ACOX1: variants seen among roughly 807,000 people sequenced by gnomAD.
ACOX1 encodes the protein acyl-CoA oxidase 1, also known as peroxisomal acyl-coenzyme A oxidase 1.
In ACOX1, 41 loss-of-function variants were observed where a neutral mutation model predicts 75.5. The ratio of observed to expected loss-of-function variants is 0.54; its 90% CI spans 0.42 to 0.70. The LOEUF is 0.70. Ranked by LOEUF, ACOX1 falls within the 30% of genes least tolerant of loss-of-function variation. The pLI is 0.00. For synonymous variants in ACOX1, 303 were observed against 298.8 expected, an observed-to-expected ratio of 1.01 and a Z score of -0.15; for missense variants, 630 against 837.5, an observed-to-expected ratio of 0.75 and a Z score of 3.06.
intron 6 of ACOX1, among the ~76,000 whole-genome samples, chr17:75,954,251 T>C (rs1302263265): frequency 4.1e-5 from 6 of 146,300 alleles, no homozygotes; most frequent in Non-Finnish European, 7.5e-5. Context: ...CTGGGTGCGG[T>C]GGCTCATGCC....
Position 75,951,000 on chromosome 17 carries a change from T to G in ACOX1, c.1108-36A>C. On this transcript the variant is annotated intron_variant, in intron 8 of 13. Transcript: ENST00000293217. This position sits in a 1 kb window ranked among gnomAD's most constrained non-coding sequence, Gnocchi z 4.3. ...AAGCACAGATCTGTCAGGACATCTG[T>G]GGTGCTGAGAGCCCGAGAACCAATG... 1 of 1,606,562 alleles carries G rather than the reference T, an allele frequency of 6.2e-7. No individual in the cohort carries two copies. The highest frequency in any genetic ancestry group is 8.5e-7 in the Non-Finnish European group (1 of 1,175,330).
chr17:75,949,958 G>T, intron 9 of ACOX1, 61 bp from the exon 10 acceptor site: 2 of 1,585,402 alleles, frequency 1.3e-6, no homozygotes, highest in Non-Finnish European at 1.7e-6. Flanking sequence ...CTTTTGAGAT[G>T]GAGTTTCATT....
chr17:75,971,257 C>T (rs1284400935), intron 2 of ACOX1, among the ~76,000 whole-genome samples: 2 of 150,638 alleles, frequency 1.3e-5, no homozygotes, highest in Non-Finnish European at 2.9e-5. Flanking sequence ...CGCCATTGCA[C>T]TCCAGCCTGG....
intron 2 of ACOX1, among the ~76,000 whole-genome samples, chr17:75,962,541 T>C (rs1207238651): frequency 6.6e-6 from 1 of 152,190 alleles, no homozygotes; most frequent in African/African-American, 2.4e-5. Flanking sequence ...AGTTTTTAAA[T>C]TGCTGTTTGT....
rs1229598936 is a variant in ACOX1 at position 75,941,565 on chromosome 17, A to C, written c.*5183T>G. The C allele has an allele frequency of 1.3e-5, 2 of 152,206 alleles. No homozygotes were observed. The highest frequency in any genetic ancestry group is 2.9e-5 in the Non-Finnish European group (2 of 68,044). 9.4% of individuals were successfully genotyped at this position (152,206 alleles called of 1,614,324 possible). A position where few individuals can be genotyped will look rare whatever the true frequency, so the allele number is the denominator to read the frequency against. On this transcript the variant is annotated 3_prime_UTR_variant, in exon 14 of 14. Transcript: ENST00000293217. Reference sequence around the variant, plus strand: ...TAAGGTTTATTCAATGTCACAGAGGAAAGAACGGTTTGTAGTTTTGCTTAC... The same window carrying C: ...TAAGGTTTATTCAATGTCACAGAGGCAAGAACGGTTTGTAGTTTTGCTTAC...
chr17:75,950,652 A>C lies in ACOX1; in HGVS notation c.1298+122T>G. On this transcript the variant is annotated intron_variant, in intron 9 of 13. Coordinates refer to ENST00000293217, the MANE Select transcript of ACOX1 (RefSeq NM_004035.7). The surrounding 1 kb of genome is among the most constrained non-coding windows in gnomAD (Gnocchi z 4.3). ...ACCGTGAGTCAGGATGGAAGGCAAAAGTATACCTTTCAGGAACAAATATAT... is the reference window on the plus strand; with the variant it reads ...ACCGTGAGTCAGGATGGAAGGCAAACGTATACCTTTCAGGAACAAATATAT... 1.8e-6 allele frequency: 2 copies of C among 1,141,392 alleles called. No individual in the cohort carries two copies. Among genetic ancestry groups the C allele is most frequent in the Admixed American group, 2.0e-5 (1 of 49,860 alleles). The allele number at this position is 1,141,392 out of a possible 1,614,324, so 70.7% of individuals were successfully genotyped here.
intron 2 of ACOX1, among the ~76,000 whole-genome samples, chr17:75,971,240 G>A (rs535986982): frequency 1.2e-3 from 176 of 150,308 alleles, no homozygotes; most frequent in African/African-American, 3.8e-3. Context: ...GCGGGGAGCC[G>A]AGATCGCGCC....
At position 75,949,705 on chromosome 17, in the gene ACOX1, A is replaced by G. The variant is rs199908120; in HGVS notation, c.1478+13T>C. 1.3e-4 allele frequency: 213 copies of G among 1,613,980 alleles called. No homozygotes were observed. In the African/African-American group the frequency reaches 2.4e-3, roughly 18 times the overall value. The stretch of plus-strand genomic sequence containing the variant: ...CCACTGCTGCGTATTCTAGCTCTTG[A>G]GGGAGAGCTCACCTGGCTGCACGGA... On this transcript the variant is annotated intron_variant, in intron 10 of 13. Transcript: ENST00000293217.
intron 3 of ACOX1, among the ~76,000 whole-genome samples, chr17:75,958,748 C>T (rs2065861675): frequency 1.4e-5 from 2 of 147,930 alleles, no homozygotes; most frequent in South Asian, 4.2e-4. Context: ...GTGGAGCTTG[C>T]AGTGAGCTGA....
At chr17:75,957,633 T>C in intron 3 of ACOX1, 67 bp from the exon 4 acceptor site, 1 of 1,199,320 alleles carries the variant, frequency 8.3e-7, no homozygotes, top group Non-Finnish European at 1.2e-6. Context: ...AGGAAAAATT[T>C]CCTGCACAGT....
intron 2 of ACOX1, among the ~76,000 whole-genome samples, chr17:75,975,086 G>T (rs1270398650): frequency 9.9e-5 from 14 of 141,840 alleles, no homozygotes; most frequent in East Asian, 2.1e-4. Flanking sequence ...AAGAAAGAAA[G>T]AAATAATAGT....
rs1186992083 is a variant in ACOX1, at chr17:75,957,637, GCA to G, written c.431-73_431-72del. 1.0e-5 allele frequency: 12 copies of G among 1,197,192 alleles called. No homozygotes were observed. In the East Asian group the frequency reaches 2.8e-4, roughly 28 times the overall value. The allele number at this position is 1,197,192 out of a possible 1,614,324, so 74.2% of individuals were successfully genotyped here. A position where few individuals can be genotyped will look rare whatever the true frequency, so the allele number is the denominator to read the frequency against. On this transcript the variant is annotated intron_variant, in intron 3 of 13. Transcript: ENST00000293217. ...AAATAGGCACAAGGAAAAATTTCCT[GCA>G]CAGTCCTTTAAACTCTCATATCTCA...
chr17:75,967,941 G>A (rs1447756749), intron 2 of ACOX1, among the ~76,000 whole-genome samples: 1 of 149,850 alleles, frequency 6.7e-6, no homozygotes, highest in African/African-American at 2.4e-5. Context: ...GTTTCACCAT[G>A]TTGGCCAGAC....
intron 2 of ACOX1, among the ~76,000 whole-genome samples, chr17:75,975,603 C>T (rs756594593): frequency 5.3e-5 from 8 of 152,214 alleles, no homozygotes; most frequent in African/African-American, 2.4e-5. Flanking sequence ...GGAACGACTT[C>T]TGCGTCCTAA....
Position 75,977,216 on chromosome 17 carries a change from G to A in ACOX1, c.269+1318C>T, listed in dbSNP as rs529807871. Among the ~76,000 whole-genome samples, 4 of 151,392 alleles carry A rather than the reference G, an allele frequency of 2.6e-5. No homozygotes were observed. In the East Asian group the frequency reaches 5.9e-4, roughly 22 times the overall value. On this transcript the variant is annotated intron_variant, in intron 2 of 13. Transcript: ENST00000293217. The stretch of plus-strand genomic sequence containing the variant: ...TCACCATTTTGGCCAGGCTGGTCTC[G>A]AGCTCCTGGCCTCAAGTGATCCACC...
chr17:75,949,671 G>A, intron 10 of ACOX1, 47 bp downstream of exon 10: 1 of 1,613,460 alleles, frequency 6.2e-7, no homozygotes, highest in Non-Finnish European at 8.5e-7. Flanking sequence ...ATCTGTCAGG[G>A]CCCCAGCCCC....
intron 2 of ACOX1, among the ~76,000 whole-genome samples, chr17:75,973,116 A>T (rs1295357881): frequency 6.6e-6 from 1 of 152,204 alleles, no homozygotes; most frequent in Non-Finnish European, 1.5e-5. Flanking sequence ...AGGGGAAAAA[A>T]TGTCTAAAAA....
In ACOX1 at chr17:75,978,554, A is replaced by G; in HGVS notation, c.249T>C (p.Asp83=). ...KMREFGIADP[D]EIMWFKNFVH... Reference sequence around the variant, plus strand: ...CCTACTTTTTAAACCACATAATTTCATCAGGGTCAGCGATGCCAAACTCCC... The same window carrying G: ...CCTACTTTTTAAACCACATAATTTCGTCAGGGTCAGCGATGCCAAACTCCC... The change falls in exon 2 of 14, where the codon GAT becomes GAC. Residue 83 remains aspartate, a synonymous_variant. Transcript: ENST00000293217. The surrounding 1 kb of genome is among the most constrained non-coding windows in gnomAD (Gnocchi z 4.2). 6.2e-7 allele frequency: 1 copy of G among 1,614,184 alleles called. No individual in the cohort carries two copies. Among genetic ancestry groups the G allele is most frequent in the Non-Finnish European group, 8.5e-7 (1 of 1,180,036 alleles).
rs139622165 is a variant in ACOX1 at position 75,963,233 on chromosome 17, A to G, written c.270-2858T>C. ...AAGTTACCTACTGGGTACTATGTTC[A>G]CTATTTGGGCAATGGGTACTGCAAA... On this transcript the variant is annotated intron_variant, in intron 2 of 13. Transcript: ENST00000293217. 5.7e-4 allele frequency among the ~76,000 whole-genome samples: 87 copies of G among 152,228 alleles called. 1 individual carries two copies. Among genetic ancestry groups the G allele is most frequent in the Middle Eastern group, 3.4e-3 (1 of 294 alleles).
Sources: allele counts gnomAD v4.1 joint callset (sites outside exome capture counted in the v4.1 genomes callset), GRCh38; gene constraint gnomAD v4.1.1; non-coding constraint Gnocchi (gnomAD v3.1); transcripts MANE v1.5; gene names NCBI Gene and HGNC (gene_info 2026-07-23, HGNC 2026-07-21).